Variants in SYCP2 observed in about 807,000 individuals in gnomAD.
SYCP2 encodes synaptonemal complex protein 2.
Under a neutral mutation model 211.3 loss-of-function variants are expected in SYCP2, and 55 were observed. That is an observed-to-expected ratio of 0.26 (90% confidence interval 0.21 to 0.33). SYCP2 has a LOEUF of 0.33. SYCP2 is among the 10% of genes least tolerant of loss of function. The pLI is 1.00. For synonymous variants in SYCP2, 570 were observed against 555.2 expected, an observed-to-expected ratio of 1.03 and a Z score of -0.37; for missense variants, 1,731 against 1,752.0, an observed-to-expected ratio of 0.99 and a Z score of 0.21.
chr20:59,885,566 GT>G (rs1029083680), intron 26 of SYCP2, among the ~76,000 whole-genome samples: 1 of 151,756 alleles, frequency 6.6e-6, no homozygotes, highest in Non-Finnish European at 1.5e-5. Context: ...AAGAGTAAAG[GT>G]TTTTTTTAAA....
At position 59,864,457 on chromosome 20, in the gene SYCP2, G is replaced by GAA. The variant is rs376056840; in HGVS notation, c.4516-71_4516-70dup. 3.2e-4 allele frequency: 269 copies of GAA among 835,388 alleles called. 1 individual carries two copies. Among genetic ancestry groups the GAA allele is most frequent in the African/African-American group, 2.8e-3 (151 of 54,854 alleles). 51.7% of individuals were successfully genotyped at this position (835,388 alleles called of 1,614,324 possible). A position where few individuals can be genotyped will look rare whatever the true frequency, so the allele number is the denominator to read the frequency against. ...CGCTGTAAAACCACCAAATAAAATA[G>GAA]AAAAAAAAAAATCAAGCTGTTATTA... On this transcript the variant is annotated intron_variant, in intron 44 of 44. Coordinates refer to ENST00000357552, the MANE Select transcript of SYCP2 (RefSeq NM_014258.4).
At chr20:59,900,311 A>T (rs758043583) in intron 17 of SYCP2, 27 bp from the exon 18 acceptor site, 1 of 1,551,920 alleles carries the variant, frequency 6.4e-7, no homozygotes, top group Non-Finnish European at 8.7e-7. Flanking sequence ...AAAAAAAAGT[A>T]TTTAAAACTG....
intron 2 of SYCP2, among the ~76,000 whole-genome samples, chr20:59,927,023 T>C (rs2060645997): frequency 6.6e-6 from 1 of 152,140 alleles, no homozygotes; most frequent in South Asian, 2.1e-4. Flanking sequence ...ACAAACAGTT[T>C]CTGAGAACAT....
intron 33 of SYCP2, 126 bp from the exon 34 acceptor site, chr20:59,875,595 C>A: frequency 1.5e-6 from 1 of 658,896 alleles, no homozygotes; most frequent in Non-Finnish European, 2.5e-6. Flanking sequence ...TAACAAGGAC[C>A]TAGACATGAG....
chr20:59,918,095 A>G (rs1456824643), intron 7 of SYCP2, among the ~76,000 whole-genome samples: 1 of 152,196 alleles, frequency 6.6e-6, no homozygotes, highest in Non-Finnish European at 1.5e-5. Context: ...ACAGCAGTCC[A>G]ATGGCAGTGG....
rs2059339988 is a variant in SYCP2 at position 59,866,544 on chromosome 20, T to C, written c.4171A>G (p.Thr1391Ala). Residue 1391 changes from threonine to alanine, a missense_variant, in exon 40 of 45, where the codon ACA becomes GCA. This residue lies in a region of SYCP2 where 1,387 missense variants were observed against 1,351.3 expected (regional missense o/e 1.03). Transcript: ENST00000357552. ...ATTGTTCTCAGATGTTGCTGAGCTG[T>C]TTTCCAAGACTGCGTAGTAAAATAA... ...LSYFTTQSWK[T>A]AQQHLRTMNH... The C allele has an allele frequency of 2.5e-6, 4 of 1,606,800 alleles. No homozygotes were observed. Among genetic ancestry groups the C allele is most frequent in the South Asian group, 1.1e-5 (1 of 89,738 alleles).
chr20:59,873,024 T>C (rs1031179242), intron 35 of SYCP2, among the ~76,000 whole-genome samples: 16 of 152,250 alleles, frequency 1.1e-4, no homozygotes, highest in African/African-American at 3.6e-4. Context: ...CATCTATGTA[T>C]CACATTATAT....
rs2060411868 is a variant in SYCP2 at position 59,915,099 on chromosome 20, T to C, written c.634+66A>G. Reference sequence around the variant, plus strand: ...TCACATTGCTATGCTAATATTTAAATTAAAAAGATACTATCTGCTATTCAT... The same window carrying C: ...TCACATTGCTATGCTAATATTTAAACTAAAAAGATACTATCTGCTATTCAT... On this transcript the variant is annotated intron_variant, in intron 10 of 44. Coordinates refer to ENST00000357552, the MANE Select transcript of SYCP2 (RefSeq NM_014258.4). 4 of 1,037,440 alleles carry C rather than the reference T, an allele frequency of 3.9e-6. No homozygotes were observed. The East Asian group carries it at 9.6e-5, about 25-fold the overall frequency. 64.3% of individuals were successfully genotyped at this position (1,037,440 alleles called of 1,614,324 possible).
At chr20:59,912,581 T>C (rs1352580713) in intron 12 of SYCP2, among the ~76,000 whole-genome samples, 163 bp from the exon 13 acceptor site, 2 of 152,218 alleles carry the variant, frequency 1.3e-5, no homozygotes. Context: ...AATACATGTT[T>C]AGTGGACATT....
At chr20:59,918,185 G>A (rs2060477554) in intron 7 of SYCP2, among the ~76,000 whole-genome samples, 1 of 152,134 alleles carries the variant, frequency 6.6e-6, no homozygotes, top group Non-Finnish European at 1.5e-5. Flanking sequence ...CTTTATTGCT[G>A]AATACTGAAT....
chr20:59,884,001 TA>T (rs964481478), intron 26 of SYCP2, among the ~76,000 whole-genome samples: 3 of 152,002 alleles, frequency 2.0e-5, no homozygotes, highest in East Asian at 1.9e-4. Context: ...ATACATACAA[TA>T]AAAAAACACT....
intron 20 of SYCP2, among the ~76,000 whole-genome samples, chr20:59,894,569 G>A (rs1013089456): frequency 3.3e-5 from 5 of 151,766 alleles, no homozygotes; most frequent in Non-Finnish European, 7.4e-5. Flanking sequence ...TGAGAAAATT[G>A]TACATATTTA....
chr20:59,923,494 T>A (rs546868831), intron 2 of SYCP2, among the ~76,000 whole-genome samples: 11 of 149,504 alleles, frequency 7.4e-5, no homozygotes, highest in Admixed American at 1.3e-4. Flanking sequence ...ATTATGGGAA[T>A]TTTTTTTTTA....
At chr20:59,877,059 T>C (rs1485232945) in intron 33 of SYCP2, among the ~76,000 whole-genome samples, 1 of 152,146 alleles carries the variant, frequency 6.6e-6, no homozygotes, top group Non-Finnish European at 1.5e-5. Flanking sequence ...TATTTTGCTT[T>C]CACTCAACAG....
chr20:59,898,718 CA>C (rs551825468), intron 18 of SYCP2, among the ~76,000 whole-genome samples: 7 of 149,422 alleles, frequency 4.7e-5, no homozygotes, highest in Admixed American at 2.0e-4. Context: ...AGACTTCCTA[CA>C]AAAAAAAGAT....
intron 2 of SYCP2, among the ~76,000 whole-genome samples, chr20:59,931,576 G>A (rs6027203): frequency 6.6e-6 from 1 of 152,160 alleles, no homozygotes; most frequent in Non-Finnish European, 1.5e-5. Flanking sequence ...TGTTGAGGCA[G>A]GCTTGCCCAT....
intron 8 of SYCP2, chr20:59,915,776 T>C: frequency 3.3e-6 from 1 of 303,974 alleles, no homozygotes. Flanking sequence ...GGCGGATCAC[T>C]TGATGTCAGG....
In SYCP2 at chr20:59,914,164, G is replaced by A; in HGVS notation, c.722C>T (p.Ser241Leu). The change falls in exon 11 of 45, where the codon TCA (serine) becomes TTA (leucine). Residue 241 changes from serine (S) to leucine (L), a missense_variant. This residue lies in a region of SYCP2 where 335 missense variants were observed against 378.8 expected (regional missense o/e 0.88). Transcript: ENST00000357552. The stretch of plus-strand genomic sequence containing the variant: ...AAATGCCTTAGCAATAAAATCCATT[G>A]AAAACCACTGATGTGCCAGTTCTTG... ...QRQELAHQWF[S>L]MDFIAKAFKR... 1 of 1,604,932 alleles carries A rather than the reference G, an allele frequency of 6.2e-7. No individual in the cohort carries two copies.
chr20:59,909,111 AT>A (rs1271709008), intron 14 of SYCP2, among the ~76,000 whole-genome samples: 1 of 151,944 alleles, frequency 6.6e-6, no homozygotes, highest in African/African-American at 2.4e-5. Context: ...TACCCTTTTA[AT>A]TTGTTCCCTT....
Sources: gnomAD v4.1 joint callset for allele counts (sites outside exome capture counted in the v4.1 genomes callset) on GRCh38, gnomAD v4.1.1 for gene constraint, gnomAD v4.1.1 regional missense constraint, MANE v1.5 for transcripts, NCBI Gene and HGNC (gene_info 2026-07-23, HGNC 2026-07-21) for gene names.